RAD51B: variants seen among roughly 807,000 people sequenced by gnomAD.
RAD51B encodes DNA repair protein RAD51 homolog 2.
In RAD51B, 38 loss-of-function variants were observed where a neutral mutation model predicts 42.2. The observed-to-expected ratio is 0.90, with a 90% confidence interval of 0.70 to 1.18. The LOEUF (loss-of-function observed/expected upper bound fraction) is 1.18, where lower values mean the gene tolerates loss of function less well. Ranked by LOEUF, RAD51B falls within the 50% of genes most tolerant of loss-of-function variation. RAD51B has a pLI of 0.00. For missense variants in RAD51B, 373 were observed against 400.7 expected (o/e 0.93, Z 0.59); for synonymous variants, 154 against 145.2 (o/e 1.06, Z -0.43).
In RAD51B at chr14:67,918,161, C is replaced by A. The variant is rs2044215470; in HGVS notation, c.756+30957C>A. Reference sequence around the variant, plus strand: ...TATTAAAAATAATGGAGAATCTACTCAGGAGGCCCATCTCCTTTCTAAAAA... The same window carrying A: ...TATTAAAAATAATGGAGAATCTACTAAGGAGGCCCATCTCCTTTCTAAAAA... On this transcript the variant is annotated intron_variant, in intron 7 of 10. Coordinates refer to ENST00000471583, the MANE Select transcript of RAD51B (RefSeq NM_133510.4). Among the ~76,000 whole-genome samples, 6 of 152,164 alleles carry A rather than the reference C, an allele frequency of 3.9e-5. No individual in the cohort carries two copies. In the South Asian group the frequency reaches 1.2e-3, roughly 32 times the overall value.
At chr14:68,502,752 C>T (rs546165469) in intron 10 of RAD51B, among the ~76,000 whole-genome samples, 2 of 152,314 alleles carry the variant, frequency 1.3e-5, no homozygotes, top group South Asian at 4.1e-4. Context: ...GTGTGTTGGC[C>T]TCTGCGGTGC....
chr14:67,955,607 A>G (rs1275443815), intron 7 of RAD51B, among the ~76,000 whole-genome samples: 1 of 152,228 alleles, frequency 6.6e-6, no homozygotes, highest in Non-Finnish European at 1.5e-5. Context: ...AGAAGACCTT[A>G]ATTTTCAGAA....
intron 8 of RAD51B, among the ~76,000 whole-genome samples, chr14:68,381,058 A>G (rs1244085920): frequency 1.3e-5 from 2 of 152,272 alleles, no homozygotes; most frequent in Admixed American, 6.5e-5. Flanking sequence ...TTACAAATCC[A>G]TAATTCTTTC....
At chr14:68,482,176 G>GGTGT (rs66768673), downstream of RAD51B, among the ~76,000 whole-genome samples, 633 of 149,906 alleles carry the variant, frequency 4.2e-3, 7 homozygotes, top group African/African-American at 0.012. Context: ...ATATTTTAGG[G>GGTGT]GTGTGTGTGT....
chr14:68,331,040 C>G (rs1218587619), intron 8 of RAD51B, among the ~76,000 whole-genome samples: 1 of 151,980 alleles, frequency 6.6e-6, no homozygotes, highest in Non-Finnish European at 1.5e-5. Flanking sequence ...AAAAACAATT[C>G]TAGGTTTATA....
chr14:68,475,226 A>T (rs1462084403), intron 10 of RAD51B, among the ~76,000 whole-genome samples: 2 of 152,226 alleles, frequency 1.3e-5, no homozygotes, highest in Non-Finnish European at 2.9e-5. Flanking sequence ...GGGTGGCCAT[A>T]TACCCAGCTA....
At chr14:68,578,781 C>G (rs140812993) in intron 10 of RAD51B, among the ~76,000 whole-genome samples, 4 of 152,206 alleles carry the variant, frequency 2.6e-5, no homozygotes, top group Non-Finnish European at 5.9e-5. Flanking sequence ...CCTTCCAACA[C>G]GTGGCAGACA....
intron 4 of RAD51B, among the ~76,000 whole-genome samples, chr14:67,858,696 T>A (rs2050598969): frequency 6.6e-6 from 1 of 152,200 alleles, no homozygotes; most frequent in Non-Finnish European, 1.5e-5. Flanking sequence ...GTCCAGGGAT[T>A]TAACATATAG....
At chr14:68,111,294 A>G (rs1018020743) in intron 7 of RAD51B, among the ~76,000 whole-genome samples, 21 of 152,114 alleles carry the variant, frequency 1.4e-4, no homozygotes, top group African/African-American at 5.1e-4. Flanking sequence ...AACGGTTTGC[A>G]CACTAAATGA....
chr14:67,865,535 C>CCTAAA (rs2042310699), intron 5 of RAD51B, among the ~76,000 whole-genome samples: 1 of 89,960 alleles, frequency 1.1e-5, no homozygotes, highest in Admixed American at 1.2e-4. Context: ...CTGTGCCTGG[C>CCTAAA]TTTTTTTTTT....
intron 9 of RAD51B, among the ~76,000 whole-genome samples, chr14:68,462,605 G>A (rs191787177): frequency 6.6e-6 from 1 of 152,258 alleles, no homozygotes; most frequent in East Asian, 1.9e-4. Flanking sequence ...TGCCCAGGCT[G>A]GTCTCAAACT....
At chr14:68,243,485 G>A (rs1301985734) in intron 7 of RAD51B, among the ~76,000 whole-genome samples, 3 of 152,002 alleles carry the variant, frequency 2.0e-5, no homozygotes, top group Non-Finnish European at 1.5e-5. Flanking sequence ...TATATTTTCC[G>A]AGACCTAGAC....
chr14:68,363,558 T>C (rs59993918), intron 8 of RAD51B, among the ~76,000 whole-genome samples: 71,554 of 152,028 alleles, frequency 0.47, 18,096 homozygotes, highest in South Asian at 0.59. Flanking sequence ...GCCTCCTCAT[T>C]GGAGTGTGCA....
chr14:68,459,330 CA>C (rs2085783686), intron 9 of RAD51B, among the ~76,000 whole-genome samples: 1 of 152,210 alleles, frequency 6.6e-6, no homozygotes, highest in African/African-American at 2.4e-5. Flanking sequence ...AGCTTCAAAG[CA>C]GCTGAGAAAA....
intron 7 of RAD51B, among the ~76,000 whole-genome samples, chr14:67,927,389 C>G (rs1346977497): frequency 6.6e-6 from 1 of 152,132 alleles, no homozygotes; most frequent in Admixed American, 6.5e-5. Context: ...AATATTGTTA[C>G]TAAGTGTAGT....
intron 7 of RAD51B, among the ~76,000 whole-genome samples, chr14:68,034,415 G>A (rs1427824089): frequency 6.6e-6 from 1 of 152,000 alleles, no homozygotes; most frequent in Admixed American, 6.6e-5. Context: ...GGGACTACAG[G>A]TGCTTGCCAC....
At chr14:68,540,588 G>A (rs10483811) in intron 10 of RAD51B, 189,031 of 984,580 alleles carry the variant, frequency 0.19, 19,007 homozygotes, top group Middle Eastern at 0.34. Flanking sequence ...GGTTCTAGGT[G>A]CTGTGCAAGT....
chr14:68,253,952 C>T (rs926771800), intron 7 of RAD51B, among the ~76,000 whole-genome samples: 3 of 152,170 alleles, frequency 2.0e-5, no homozygotes, highest in African/African-American at 7.2e-5. Flanking sequence ...ATCATTTATT[C>T]TAGTTTTTCA....
intron 7 of RAD51B, among the ~76,000 whole-genome samples, chr14:67,995,435 A>G (rs975359712): frequency 1.3e-5 from 2 of 151,938 alleles, no homozygotes; most frequent in Admixed American, 6.6e-5. Flanking sequence ...CACACTCACA[A>G]TAGGATATAA....
Sources: allele counts gnomAD v4.1 joint callset (sites outside exome capture counted in the v4.1 genomes callset), GRCh38; gene constraint gnomAD v4.1.1; transcripts MANE v1.5; gene names NCBI Gene and HGNC (gene_info 2026-07-23, HGNC 2026-07-21).